ARHGAP35: variants seen among roughly 807,000 people sequenced by gnomAD.
The protein encoded by ARHGAP35 is rho GTPase-activating protein 35.
Under a neutral mutation model 111.1 loss-of-function variants are expected in ARHGAP35, and 15 were observed. The observed-to-expected ratio is 0.13, with a 90% CI of 0.09 to 0.21. The LOEUF (loss-of-function observed/expected upper bound fraction) is 0.21, where lower values mean the gene tolerates loss of function less well. Among genes scored for constraint, ARHGAP35 ranks in the 10% least tolerant of loss-of-function variants. The pLI is 1.00. For missense variants in ARHGAP35, 1,262 were observed against 1,873.0 expected, an observed-to-expected ratio of 0.67 and a Z score of 6.02; for synonymous variants, 643 against 710.3, an observed-to-expected ratio of 0.91 and a Z score of 1.51.
At chr19:46,930,203 C>T (rs150317272) in intron 2 of ARHGAP35, among the ~76,000 whole-genome samples, 271 of 151,936 alleles carry the variant, frequency 1.8e-3, no homozygotes, top group African/African-American at 6.2e-3. Flanking sequence ...TCCGTCTCTA[C>T]AAAATATTAT....
chr19:46,958,383 T>G (rs2056454354), intron 3 of ARHGAP35, among the ~76,000 whole-genome samples: 1 of 139,662 alleles, frequency 7.2e-6, no homozygotes, highest in African/African-American at 2.7e-5. Context: ...AGACTCCGTC[T>G]CAAAAAAAAA....
chr19:46,964,333 T>A (rs1288524249), intron 3 of ARHGAP35, among the ~76,000 whole-genome samples: 1 of 152,034 alleles, frequency 6.6e-6, no homozygotes, highest in Non-Finnish European at 1.5e-5. Flanking sequence ...AGTGGCGTGA[T>A]CATGGCTCAC....
intron 1 of ARHGAP35, among the ~76,000 whole-genome samples, chr19:46,894,240 G>C (rs1382460339): frequency 6.6e-6 from 1 of 152,026 alleles, no homozygotes; most frequent in East Asian, 1.9e-4. Context: ...CTTTAGATCT[G>C]GTGAACTTAG....
At chr19:46,907,579 C>T (rs956566615) in intron 1 of ARHGAP35, among the ~76,000 whole-genome samples, 1 of 151,988 alleles carries the variant, frequency 6.6e-6, no homozygotes, top group Non-Finnish European at 1.5e-5. Flanking sequence ...CCCGGGTTCA[C>T]GCCATTCTCC....
At chr19:46,893,941 A>G (rs2056039967) in intron 1 of ARHGAP35, among the ~76,000 whole-genome samples, 1 of 144,412 alleles carries the variant, frequency 6.9e-6, no homozygotes, top group Non-Finnish European at 1.5e-5. Context: ...ATTCTTAAAT[A>G]CAACTTTATA....
At chr19:46,909,861 A>G (rs1444833326) in intron 1 of ARHGAP35, among the ~76,000 whole-genome samples, 1 of 152,062 alleles carries the variant, frequency 6.6e-6, no homozygotes, top group Admixed American at 6.6e-5. Context: ...GGTGCACTGC[A>G]GCCTTGAACT....
rs1249121166 is a variant in ARHGAP35, at chr19:46,999,372, C to T, written c.4105C>T (p.His1369Tyr). 1 of 1,594,016 alleles carries T rather than the reference C, an allele frequency of 6.3e-7. No homozygotes were observed. The highest frequency in any genetic ancestry group is 1.8e-5 in the Admixed American group (1 of 56,704). Residue 1369 changes from histidine to tyrosine, a missense_variant, in exon 6 of 7, where the codon CAC becomes TAC. Transcript: ENST00000672722. The surrounding 1 kb of genome is among the most constrained non-coding windows in gnomAD (Gnocchi z 5.4). ...EVLKKFPKEN[H>Y]EVFKYVISHL... ...ATTAAAGAAATTTCCAAAGGAAAAC[C>T]ACGAAGTCTTCAAGTATGTCATCTC... is the stretch of plus-strand genomic sequence containing the variant.
intron 3 of ARHGAP35, among the ~76,000 whole-genome samples, chr19:46,956,956 C>CCTTTT (rs767250329): frequency 1.0e-4 from 11 of 107,596 alleles, no homozygotes; most frequent in African/African-American, 3.7e-4. Flanking sequence ...TTAAAGCAGA[C>CCTTTT]TTTTTTTTTT....
intron 1 of ARHGAP35, among the ~76,000 whole-genome samples, chr19:46,910,582 A>G (rs1046605046): frequency 1.3e-5 from 2 of 148,406 alleles, no homozygotes; most frequent in Non-Finnish European, 3.0e-5. Context: ...GTGAGCCACC[A>G]CACCTGGCCA....
At chr19:46,959,860 C>T (rs979205621) in intron 3 of ARHGAP35, among the ~76,000 whole-genome samples, 1 of 151,806 alleles carries the variant, frequency 6.6e-6, no homozygotes, top group African/African-American at 2.4e-5. Context: ...TGCTGGGAGG[C>T]AGAGGGGCTA....
intron 3 of ARHGAP35, among the ~76,000 whole-genome samples, chr19:46,941,876 T>TAAAAAAA (rs71179279): frequency 3.2e-5 from 3 of 94,536 alleles, no homozygotes; most frequent in Admixed American, 1.2e-4. Context: ...CCTGTCTCTT[T>TAAAAAAA]AAAAAAAAAA....
chr19:46,887,994 C>T (rs2056000949), intron 1 of ARHGAP35, among the ~76,000 whole-genome samples: 1 of 150,316 alleles, frequency 6.7e-6, no homozygotes, highest in African/African-American at 2.4e-5. Flanking sequence ...CTCTGTTGCC[C>T]AGGCTGGAGT....
intron 1 of ARHGAP35, among the ~76,000 whole-genome samples, chr19:46,866,418 G>A (rs148117704): frequency 6.6e-6 from 1 of 152,204 alleles, no homozygotes; most frequent in African/African-American, 2.4e-5. Flanking sequence ...CAGCAGAAAA[G>A]TACTGGATTT....
intron 1 of ARHGAP35, among the ~76,000 whole-genome samples, chr19:46,910,491 C>T (rs1217647402): frequency 6.6e-6 from 1 of 151,480 alleles, no homozygotes; most frequent in Non-Finnish European, 1.5e-5. Flanking sequence ...GGGGTTTCAC[C>T]ATGTTGGCCA....
At chr19:46,879,385 G>C (rs1369192408) in intron 1 of ARHGAP35, among the ~76,000 whole-genome samples, 3 of 151,960 alleles carry the variant, frequency 2.0e-5, no homozygotes. Context: ...TCAGGAGATA[G>C]AGACCATCCC....
intron 1 of ARHGAP35, among the ~76,000 whole-genome samples, chr19:46,877,272 TTA>T (rs1182765954): frequency 8.3e-6 from 1 of 119,890 alleles, no homozygotes; most frequent in African/African-American, 3.1e-5. Context: ...AAAAAAAAAG[TTA>T]TGTTTTGGCT....
At chr19:46,934,754 C>T (rs1040431477) in intron 2 of ARHGAP35, among the ~76,000 whole-genome samples, 1 of 152,194 alleles carries the variant, frequency 6.6e-6, no homozygotes, top group African/African-American at 2.4e-5. Flanking sequence ...ACTACAGCCT[C>T]GACCTCCTGG....
intron 1 of ARHGAP35, among the ~76,000 whole-genome samples, chr19:46,864,017 A>T (rs1432199464): frequency 6.6e-6 from 1 of 152,238 alleles, no homozygotes; most frequent in Non-Finnish European, 1.5e-5. Flanking sequence ...ACTCCCTGCC[A>T]CAGGAGCTGA....
chr19:46,985,821 C>G (rs10500296), intron 3 of ARHGAP35, among the ~76,000 whole-genome samples: 5,108 of 152,120 alleles, frequency 0.034, 162 homozygotes, highest in East Asian at 0.16. Flanking sequence ...GGCCTTGGTG[C>G]AATTAACAGC....
Sources: gnomAD v4.1 joint callset for allele counts (sites outside exome capture counted in the v4.1 genomes callset) on GRCh38, gnomAD v4.1.1 for gene constraint, Gnocchi (gnomAD v3.1) non-coding constraint, MANE v1.5 for transcripts, NCBI Gene and HGNC (gene_info 2026-07-23, HGNC 2026-07-21) for gene names.